Variants in PIK3R3 observed in about 807,000 individuals in gnomAD.
PIK3R3 encodes phosphatidylinositol 3-kinase regulatory subunit gamma.
Under a neutral mutation model 62.9 loss-of-function variants are expected in PIK3R3, and 64 were observed. That is an observed-to-expected ratio of 1.02 (90% CI 0.83 to 1.25). PIK3R3 has a LOEUF of 1.25. Among genes scored for constraint, PIK3R3 ranks in the 50% most tolerant of loss-of-function variants. PIK3R3 has a pLI of 0.00. For synonymous variants in PIK3R3, 165 were observed against 189.0 expected (o/e 0.87, Z 1.04); for missense variants, 614 against 561.6 (o/e 1.09, Z -0.94).
intron 7 of PIK3R3, among the ~76,000 whole-genome samples, chr1:46,048,589 A>T (rs1647177979): frequency 6.6e-6 from 1 of 152,190 alleles, no homozygotes; most frequent in South Asian, 2.1e-4. Flanking sequence ...CACTGGGTAA[A>T]AAAGTGTGAG....
chr1:46,125,080 C>T (rs573538926), intron 1 of PIK3R3, among the ~76,000 whole-genome samples: 1 of 151,756 alleles, frequency 6.6e-6, no homozygotes, highest in African/African-American at 2.4e-5. Flanking sequence ...GACTGGGGGA[C>T]AAGAGCGAGA....
intron 1 of PIK3R3, among the ~76,000 whole-genome samples, chr1:46,084,463 T>C (rs1650885858): frequency 6.6e-6 from 1 of 152,232 alleles, no homozygotes; most frequent in African/African-American, 2.4e-5. Flanking sequence ...GCTTCTGACA[T>C]TACCAGATGG....
chr1:46,066,830 G>T, intron 4 of PIK3R3, 81 bp downstream of exon 4: 1 of 1,138,964 alleles, frequency 8.8e-7, no homozygotes, highest in Non-Finnish European at 1.3e-6. Flanking sequence ...TTTTAAAACT[G>T]ATAAGCCTGG....
At chr1:46,123,993 A>T (rs1460191897) in intron 1 of PIK3R3, among the ~76,000 whole-genome samples, 1 of 152,216 alleles carries the variant, frequency 6.6e-6, no homozygotes, top group Non-Finnish European at 1.5e-5. Flanking sequence ...AAAAGACCCT[A>T]GAGAACAATT....
At chr1:46,046,240 A>T (rs369499405) in intron 8 of PIK3R3, 152 bp from the exon 9 acceptor site, 1 of 607,266 alleles carries the variant, frequency 1.6e-6, no homozygotes, top group South Asian at 2.2e-5. Flanking sequence ...GCTATGGTGC[A>T]TAAAGCAAAG....
chr1:46,105,035 G>A (rs1044420923), intron 1 of PIK3R3: 7 of 723,356 alleles, frequency 9.7e-6, no homozygotes, highest in African/African-American at 1.7e-5. Context: ...TGATTTTCAT[G>A]ACAAATACAG....
intron 1 of PIK3R3, among the ~76,000 whole-genome samples, chr1:46,088,057 T>C (rs1208822596): frequency 6.6e-6 from 1 of 152,156 alleles, no homozygotes; most frequent in Non-Finnish European, 1.5e-5. Context: ...ACAGTATGAA[T>C]GTACTTAATG....
intron 7 of PIK3R3, among the ~76,000 whole-genome samples, chr1:46,052,579 G>A (rs529070128): frequency 3.5e-4 from 53 of 151,928 alleles, no homozygotes; most frequent in Middle Eastern, 6.8e-3. Flanking sequence ...ATCAAGATTC[G>A]AACATTTCTA....
intron 1 of PIK3R3, among the ~76,000 whole-genome samples, chr1:46,124,633 C>G (rs1459394984): frequency 6.6e-6 from 1 of 151,426 alleles, no homozygotes; most frequent in Non-Finnish European, 1.5e-5. Context: ...CCCATCTCTA[C>G]TAAAAATACA....
At chr1:46,072,974 T>C (rs1276816371) in intron 3 of PIK3R3, among the ~76,000 whole-genome samples, 1 of 151,220 alleles carries the variant, frequency 6.6e-6, no homozygotes, top group Non-Finnish European at 1.5e-5. Context: ...TATATATATA[T>C]ATATTAGGCA....
intron 6 of PIK3R3, among the ~76,000 whole-genome samples, chr1:46,057,672 C>A (rs767502021): frequency 1.3e-5 from 2 of 152,064 alleles, no homozygotes; most frequent in Non-Finnish European, 2.9e-5. Context: ...TTGCCCCTGC[C>A]CTAGAGATTT....
chr1:46,075,843 C>G (rs1449829130), intron 3 of PIK3R3, among the ~76,000 whole-genome samples: 4 of 152,088 alleles, frequency 2.6e-5, no homozygotes, highest in Admixed American at 6.5e-5. Context: ...ATTCCTAAAG[C>G]CTCAGAACCC....
intron 3 of PIK3R3, among the ~76,000 whole-genome samples, chr1:46,070,072 A>G (rs760095902): frequency 2.6e-5 from 4 of 152,236 alleles, no homozygotes; most frequent in Admixed American, 1.3e-4. Context: ...ACTGCTATAA[A>G]TAAGGGCAGA....
At chr1:46,048,342 C>T (rs1475065557) in intron 7 of PIK3R3, 1 of 152,212 alleles carries the variant, frequency 6.6e-6, no homozygotes, top group Non-Finnish European at 1.5e-5. Context: ...ACAGATTTCA[C>T]AGTCTTTCTC....
chr1:46,048,295 T>A (rs1647170182), intron 7 of PIK3R3: 1 of 152,246 alleles, frequency 6.6e-6, no homozygotes, highest in South Asian at 2.1e-4. Context: ...GTATACAAGA[T>A]AACTTGGCAT....
intron 3 of PIK3R3, among the ~76,000 whole-genome samples, chr1:46,073,927 A>C (rs1310364539): frequency 2.0e-5 from 3 of 149,496 alleles, no homozygotes; most frequent in Non-Finnish European, 3.0e-5. Context: ...AGCCACCATG[A>C]CCGGCCAACT....
Position 46,094,677 on chromosome 1 carries a change from C to T in PIK3R3, c.107-13927G>A, listed in dbSNP as rs1002438044. ...AACTTTGCTCATGCATGGACAAATG[C>T]TATTTTTCCCCAGTGGAATGATTTC... On this transcript the variant is annotated intron_variant, in intron 1 of 9. Coordinates refer to ENST00000262741, the MANE Select transcript of PIK3R3 (RefSeq NM_003629.4). Among the ~76,000 whole-genome samples the T allele has an allele frequency of 3.9e-5, 6 of 152,328 alleles. No individual in the cohort carries two copies. The East Asian group carries it at 5.8e-4, about 15-fold the overall frequency.
chr1:46,104,374 G>A (rs529932004), intron 1 of PIK3R3, among the ~76,000 whole-genome samples: 9 of 152,216 alleles, frequency 5.9e-5, no homozygotes, highest in Non-Finnish European at 1.3e-4. Context: ...GTCAGTTTTG[G>A]TAAGATTTGC....
the PIK3R3 span, among the ~76,000 whole-genome samples, chr1:46,152,493 T>C: frequency 6.6e-6 from 1 of 152,024 alleles, no homozygotes; most frequent in Non-Finnish European, 1.5e-5. Flanking sequence ...ATGGAGATTG[T>C]CTAACCATAT....
Sources: allele counts gnomAD v4.1 joint callset (sites outside exome capture counted in the v4.1 genomes callset), GRCh38; gene constraint gnomAD v4.1.1; transcripts MANE v1.5; gene names NCBI Gene and HGNC (gene_info 2026-07-23, HGNC 2026-07-21).